The following RHBG variants were observed in gnomAD, a reference collection of about 807,000 sequenced individuals.
The protein encoded by RHBG is ammonium transporter Rh type B.
Under a neutral mutation model 40.1 loss-of-function variants are expected in RHBG, and 39 were observed. That is an observed-to-expected ratio of 0.97 (90% confidence interval 0.75 to 1.27). RHBG has a LOEUF of 1.27. Ranked by LOEUF, RHBG falls within the 50% of genes most tolerant of loss-of-function variation. The probability of loss-of-function intolerance (pLI) is 0.00; values close to 1 mark genes in which losing one functional copy is unlikely to be tolerated. For missense variants in RHBG, 549 were observed against 588.1 expected (o/e 0.93, Z 0.69); for synonymous variants, 237 against 252.5 (o/e 0.94, Z 0.58).
intron 1 of RHBG, among the ~76,000 whole-genome samples, chr1:156,375,946 A>C (rs1217959280): frequency 6.6e-6 from 1 of 151,896 alleles, no homozygotes; most frequent in Non-Finnish European, 1.5e-5. Context: ...GGGGTCCACT[A>C]TGTTACCCAG....
rs1043623563 is a variant in RHBG at position 156,381,340 on chromosome 1, C to T, written c.674-7C>T. ...CTTCTCACTCTGCCTGTCTGTCCAC[C>T]ATCTAGGGACCATCTTCCTGTGGAT... On this transcript the variant is annotated splice_region_variant and splice_polypyrimidine_tract_variant and intron_variant, in intron 4 of 9. Transcript: ENST00000537040. The T allele has an allele frequency of 1.7e-5, 28 of 1,613,796 alleles. No homozygotes were observed. In the African/African-American group the frequency reaches 3.5e-4, roughly 20 times the overall value.
intron 1 of RHBG, among the ~76,000 whole-genome samples, chr1:156,372,502 C>T (rs910495540): frequency 1.3e-5 from 2 of 152,150 alleles, no homozygotes; most frequent in Non-Finnish European, 2.9e-5. Context: ...ACCTTACTTG[C>T]AGAGAGAGGG....
At chr1:156,381,642 G>T (rs1667645074) in intron 5 of RHBG, 129 bp downstream of exon 5, 6 of 1,371,850 alleles carry the variant, frequency 4.4e-6, no homozygotes, top group Non-Finnish European at 6.0e-6. Context: ...CATCTGTGCT[G>T]GTGGCTATGG....
Position 156,378,389 on chromosome 1 carries a change from C to T in RHBG, c.663C>T (p.Phe221=), listed in dbSNP as rs751822473. 2.5e-6 allele frequency: 4 copies of T among 1,600,794 alleles called. No individual in the cohort carries two copies. Among genetic ancestry groups the T allele is most frequent in the African/African-American group, 1.3e-5 (1 of 74,742 alleles). ...GCTCCGTCTACCATTCAGACCTCTT[C>T]GCCATGATTGGTGAGGCCTTCGAGG... ...RQGSVYHSDL[F]AMIGTIFLWI... Residue 221 remains phenylalanine (F), a synonymous_variant, in exon 4 of 10, where the codon TTC becomes TTT. Coordinates refer to ENST00000537040, the MANE Select transcript of RHBG (RefSeq NM_020407.5).
intron 1 of RHBG, among the ~76,000 whole-genome samples, chr1:156,369,745 A>C (rs1270710890): frequency 6.6e-6 from 1 of 151,992 alleles, no homozygotes; most frequent in African/African-American, 2.4e-5. Flanking sequence ...ATTGGAAGCC[A>C]GATCTAGAGC....
At chr1:156,378,788 G>T (rs895402806) in intron 4 of RHBG, among the ~76,000 whole-genome samples, 1 of 152,094 alleles carries the variant, frequency 6.6e-6, no homozygotes, top group Non-Finnish European at 1.5e-5. Context: ...GCCTTTGCCT[G>T]TCTGGTTCCC....
chr1:156,374,320 T>C (rs559724337), intron 1 of RHBG, among the ~76,000 whole-genome samples: 1 of 152,288 alleles, frequency 6.6e-6, no homozygotes, highest in East Asian at 1.9e-4. Context: ...TGGGGATCGC[T>C]AGGTATAGAT....
intron 4 of RHBG, among the ~76,000 whole-genome samples, chr1:156,381,054 CA>C (rs1239165775): frequency 6.6e-6 from 1 of 152,138 alleles, no homozygotes; most frequent in East Asian, 1.9e-4. Context: ...CATGTGCTAC[CA>C]TGCCCAGCTA....
At position 156,377,131 on chromosome 1, in the gene RHBG, C is replaced by T. The variant is rs370774104; in HGVS notation, c.188-170C>T. Among the ~76,000 whole-genome samples the T allele has an allele frequency of 7.9e-5, 12 of 152,326 alleles. No individual in the cohort carries two copies. The highest frequency in any genetic ancestry group is 5.8e-4 in the East Asian group (3 of 5,178). On this transcript the variant is annotated intron_variant, in intron 1 of 9. Coordinates refer to ENST00000537040, the MANE Select transcript of RHBG (RefSeq NM_020407.5). This position sits in a 1 kb window ranked among gnomAD's most constrained non-coding sequence, Gnocchi z 4.6. Reference sequence around the variant, plus strand: ...CACTGCTCCAAGCTGGCCAGCTCTGCGCAGGTGGCTCAGGGCTGGGAGCCC... The same window carrying T: ...CACTGCTCCAAGCTGGCCAGCTCTGTGCAGGTGGCTCAGGGCTGGGAGCCC...
intron 1 of RHBG, chr1:156,371,221 G>A (rs780399342): frequency 1.3e-4 from 51 of 387,138 alleles, no homozygotes; most frequent in Non-Finnish European, 2.0e-4. Flanking sequence ...GTGCAACGGC[G>A]CAATCTCGGC....
intron 1 of RHBG, chr1:156,371,300 C>G (rs557701608): frequency 3.1e-6 from 1 of 321,672 alleles, no homozygotes; most frequent in Middle Eastern, 1.2e-3. Flanking sequence ...GCTGGGATTA[C>G]AGGCACCCAC....
At chr1:156,376,736 A>G (rs370771342) in intron 1 of RHBG, among the ~76,000 whole-genome samples, 271 of 152,074 alleles carry the variant, frequency 1.8e-3, no homozygotes, top group African/African-American at 6.3e-3. Flanking sequence ...AGGAGGCCAA[A>G]GTGGGAGGAC....
chr1:156,381,956 C>T lies in RHBG; in HGVS notation c.978+13C>T. Reference sequence around the variant, plus strand: ...CAAGTTCTTCACGGTATAGATGCCTCTTGGAGCCTGGGCAGAACATGGAGT... The same window carrying T: ...CAAGTTCTTCACGGTATAGATGCCTTTTGGAGCCTGGGCAGAACATGGAGT... On this transcript the variant is annotated intron_variant, in intron 6 of 9. Transcript: ENST00000537040. The T allele has an allele frequency of 6.2e-7, 1 of 1,611,218 alleles. No homozygotes were observed. Among genetic ancestry groups the T allele is most frequent in the Non-Finnish European group, 8.5e-7 (1 of 1,179,404 alleles).
chr1:156,383,555 C>T (rs1409238841), intron 8 of RHBG, among the ~76,000 whole-genome samples: 3 of 150,306 alleles, frequency 2.0e-5, no homozygotes, highest in Non-Finnish European at 4.4e-5. Context: ...GGATTACAGG[C>T]GTGAGCCACC....
At chr1:156,371,470 A>G in intron 1 of RHBG, 1 of 240,116 alleles carries the variant, frequency 4.2e-6, no homozygotes, top group Non-Finnish European at 8.3e-6. Context: ...CTATTACCCT[A>G]CTTTCTGTAT....
intron 4 of RHBG, among the ~76,000 whole-genome samples, chr1:156,378,738 G>C (rs2101786790): frequency 6.6e-6 from 1 of 152,234 alleles, no homozygotes; most frequent in South Asian, 2.1e-4. Context: ...GCTGGCTCAG[G>C]CTCCAGCCAG....
In RHBG at chr1:156,377,903, C is replaced by A; in HGVS notation, c.375-87C>A. On this transcript the variant is annotated intron_variant, in intron 2 of 9. Transcript: ENST00000537040. This position sits in a 1 kb window ranked among gnomAD's most constrained non-coding sequence, Gnocchi z 4.6. ...TCCAACCCCACCCCACCCACCACAT[C>A]ATGCTGTCCTGGCTTCATGCCAGGC... is the stretch of plus-strand genomic sequence containing the variant. The A allele has an allele frequency of 1.5e-4, 141 of 926,608 alleles. No individual in the cohort carries two copies. Among genetic ancestry groups the A allele is most frequent in the Non-Finnish European group, 2.0e-4 (124 of 620,102 alleles). 57.4% of individuals were successfully genotyped at this position (926,608 alleles called of 1,614,324 possible). A position where few individuals can be genotyped will look rare whatever the true frequency, so the allele number is the denominator to read the frequency against.
At chr1:156,379,959 A>T (rs985797497) in intron 4 of RHBG, among the ~76,000 whole-genome samples, 1 of 152,014 alleles carries the variant, frequency 6.6e-6, no homozygotes, top group Non-Finnish European at 1.5e-5. Context: ...CCCATTCAGT[A>T]CTCAGCAAAC....
chr1:156,378,453 C>A, intron 4 of RHBG, 54 bp downstream of exon 4: 1 of 1,531,486 alleles, frequency 6.5e-7, no homozygotes, highest in Non-Finnish European at 8.8e-7. Flanking sequence ...GAGGCCTCAT[C>A]TGGGCCAGAG....
Sources: allele counts gnomAD v4.1 joint callset (sites outside exome capture counted in the v4.1 genomes callset), GRCh38; gene constraint gnomAD v4.1.1; non-coding constraint Gnocchi (gnomAD v3.1); transcripts MANE v1.5; gene names NCBI Gene and HGNC (gene_info 2026-07-23, HGNC 2026-07-21).